The following TNKS variants were observed in gnomAD, a reference collection of about 807,000 sequenced individuals.
The protein encoded by TNKS is poly [ADP-ribose] polymerase tankyrase-1.
TNKS carries 72 observed loss-of-function variants against 135.8 expected under a neutral mutation model. The observed-to-expected ratio is 0.53, with a 90% CI of 0.44 to 0.64. The LOEUF (loss-of-function observed/expected upper bound fraction) is 0.64, where lower values mean the gene tolerates loss of function less well. Among genes scored for constraint, TNKS ranks in the 30% least tolerant of loss-of-function variants. TNKS has a pLI of 0.00. For synonymous variants in TNKS, 849 were observed against 649.3 expected (o/e 1.31, Z -4.68); for missense variants, 1,769 against 1,674.0 (o/e 1.06, Z -0.99).
At chr8:9,698,397 A>G (rs10903317) in intron 5 of TNKS, among the ~76,000 whole-genome samples, 3 of 136,072 alleles carry the variant, frequency 2.2e-5, no homozygotes, top group Non-Finnish European at 3.1e-5. Context: ...AAAAAGCTTA[A>G]GTATATAAGC....
intron 3 of TNKS, among the ~76,000 whole-genome samples, chr8:9,644,471 T>G (rs1800839747): frequency 6.6e-6 from 1 of 152,216 alleles, no homozygotes; most frequent in Non-Finnish European, 1.5e-5. Context: ...TTTTCACTAC[T>G]TCATTGGTCA....
intron 3 of TNKS, among the ~76,000 whole-genome samples, chr8:9,657,877 T>C (rs1801486368): frequency 7.2e-6 from 1 of 138,794 alleles, no homozygotes. Flanking sequence ...GCTCCTCACT[T>C]CTCAGACGGG....
At chr8:9,695,952 T>A (rs955219937) in intron 5 of TNKS, among the ~76,000 whole-genome samples, 1 of 152,190 alleles carries the variant, frequency 6.6e-6, no homozygotes, top group African/African-American at 2.4e-5. Flanking sequence ...GAGCTCCATT[T>A]TAGACAGGAG....
At chr8:9,597,388 G>T (rs549322918) in intron 2 of TNKS, among the ~76,000 whole-genome samples, 2 of 152,212 alleles carry the variant, frequency 1.3e-5, no homozygotes, top group African/African-American at 4.8e-5. Flanking sequence ...TCAAAGCTCA[G>T]TGAAGGGCTG....
chr8:9,676,077 A>G (rs1355230917), intron 3 of TNKS, among the ~76,000 whole-genome samples: 3 of 150,910 alleles, frequency 2.0e-5, no homozygotes, highest in African/African-American at 7.3e-5. Flanking sequence ...CAATGGCACA[A>G]TCTCAGCTCA....
intron 24 of TNKS, 114 bp downstream of exon 24, chr8:9,765,911 T>G (rs1370453388): frequency 3.6e-6 from 3 of 829,184 alleles, no homozygotes; most frequent in Non-Finnish European, 5.6e-6. Flanking sequence ...ACGGCTTGTT[T>G]TGATTATTTT....
intron 5 of TNKS, among the ~76,000 whole-genome samples, chr8:9,697,679 A>T (rs1445645054): frequency 6.6e-6 from 1 of 152,180 alleles, no homozygotes; most frequent in African/African-American, 2.4e-5. Context: ...AACAAACATG[A>T]AAAAATGCTT....
intron 11 of TNKS, among the ~76,000 whole-genome samples, chr8:9,713,435 A>C (rs1033210526): frequency 6.6e-6 from 1 of 152,220 alleles, no homozygotes; most frequent in African/African-American, 2.4e-5. Flanking sequence ...ATGGAAAATA[A>C]CATTATGACT....
At chr8:9,558,040 C>T (rs1797154908) in intron 1 of TNKS, 1 of 152,160 alleles carries the variant, frequency 6.6e-6, no homozygotes, top group African/African-American at 2.4e-5. Context: ...GGCTTATATG[C>T]AAGAGAGTAG....
At chr8:9,775,463 A>ATATATATATG (rs1487810683) in intron 26 of TNKS, among the ~76,000 whole-genome samples, 2 of 5,090 alleles carry the variant, frequency 3.9e-4, no homozygotes, top group African/African-American at 1.2e-3. Context: ...ATGGTTCTAT[A>ATATATATATG]TATATATATA....
intron 1 of TNKS, among the ~76,000 whole-genome samples, chr8:9,573,613 C>T (rs1228524756): frequency 1.3e-5 from 2 of 152,120 alleles, no homozygotes; most frequent in African/African-American, 2.4e-5. Context: ...TCCTAGACAA[C>T]CCCAAACTTA....
chr8:9,753,097 C>T (rs1351292539), intron 20 of TNKS, among the ~76,000 whole-genome samples: 1 of 152,110 alleles, frequency 6.6e-6, no homozygotes, highest in African/African-American at 2.4e-5. Context: ...ATACTTCTCC[C>T]CAAAATTGTC....
In TNKS at chr8:9,777,860, C is replaced by T. The variant is rs1440613409; in HGVS notation, c.*1124C>T. 6.6e-6 allele frequency: 1 copy of T among 152,476 alleles called. No individual in the cohort carries two copies. The highest frequency in any genetic ancestry group is 2.1e-4 in the South Asian group (1 of 4,824). 9.4% of individuals were successfully genotyped at this position (152,476 alleles called of 1,614,324 possible). ...AGTTGAGAATGCTGGGATTCAGACT[C>T]GAATAGTGGATAGATACACACAAAT... On this transcript the variant is annotated 3_prime_UTR_variant, in exon 27 of 27. Transcript: ENST00000310430.
chr8:9,676,091 C>A (rs1802522244), intron 3 of TNKS, among the ~76,000 whole-genome samples: 1 of 150,292 alleles, frequency 6.7e-6, no homozygotes, highest in African/African-American at 2.5e-5. Flanking sequence ...CAGCTCACTG[C>A]AACCTCTGCC....
At chr8:9,735,610 C>T in intron 17 of TNKS, 124 bp downstream of exon 17, 1 of 731,860 alleles carries the variant, frequency 1.4e-6, no homozygotes, top group Non-Finnish European at 2.3e-6. Context: ...ACAATCCTGG[C>T]TAACACGGTG....
Position 9,768,340 on chromosome 8 carries a change from C to T in TNKS, c.3741-1766C>T, listed in dbSNP as rs560874856. On this transcript the variant is annotated intron_variant, in intron 25 of 26. Transcript: ENST00000310430. ...GTCTCATAGTGAGTGCAGTCGATTG[C>T]CCAGTCCATGAGGCATCTCCGGAGA... 1.1e-4 allele frequency among the ~76,000 whole-genome samples: 16 copies of T among 152,298 alleles called. 1 individual carries two copies. Among genetic ancestry groups the T allele is most frequent in the African/African-American group, 3.8e-4 (16 of 41,564 alleles).
intron 12 of TNKS, among the ~76,000 whole-genome samples, chr8:9,725,552 G>A (rs532714815): frequency 6.6e-6 from 1 of 152,068 alleles, no homozygotes; most frequent in East Asian, 1.9e-4. Context: ...TTGGACATTG[G>A]GCTCAAAAAA....
At chr8:9,591,367 C>T (rs149413490) in intron 2 of TNKS, among the ~76,000 whole-genome samples, 19 of 152,226 alleles carry the variant, frequency 1.2e-4, no homozygotes, top group Non-Finnish European at 2.4e-4. Flanking sequence ...AGCTTGTTTG[C>T]AGTTTGTAGC....
At position 9,704,644 on chromosome 8, in the gene TNKS, G is replaced by A; in HGVS notation, c.1108-19G>A. On this transcript the variant is annotated intron_variant, in intron 5 of 26. Transcript: ENST00000310430. ...GTTTGTTTGTTTTTACCTGAAAAGG[G>A]GATGTTTTTCTTTTCTAGTCGACTC... 1.3e-6 allele frequency: 2 copies of A among 1,586,986 alleles called. No individual in the cohort carries two copies. Among genetic ancestry groups the A allele is most frequent in the Non-Finnish European group, 1.7e-6 (2 of 1,158,412 alleles).
Sources: gnomAD v4.1 joint callset for allele counts (sites outside exome capture counted in the v4.1 genomes callset) on GRCh38, gnomAD v4.1.1 for gene constraint, MANE v1.5 for transcripts, NCBI Gene and HGNC (gene_info 2026-07-23, HGNC 2026-07-21) for gene names.